ARSB: variants seen among roughly 807,000 people sequenced by gnomAD.
The protein encoded by ARSB is arylsulfatase B, also known as N-acetylgalactosamine-4-sulfatase.
In ARSB, 41 loss-of-function variants were observed where a neutral mutation model predicts 50.9. The ratio of observed to expected loss-of-function variants is 0.81; its 90% CI spans 0.63 to 1.04. The LOEUF (loss-of-function observed/expected upper bound fraction) is 1.04. Ranked by LOEUF, ARSB falls within the 50% of genes least tolerant of loss-of-function variation. The pLI is 0.00. For synonymous variants in ARSB, 269 were observed against 284.8 expected (o/e 0.94, Z 0.56); for missense variants, 672 against 693.3 (o/e 0.97, Z 0.35).
chr5:78,960,866 G>T (rs337829), intron 3 of ARSB, among the ~76,000 whole-genome samples: 1 of 151,970 alleles, frequency 6.6e-6, no homozygotes, highest in African/African-American at 2.4e-5. Flanking sequence ...CCCGGCTGAC[G>T]GGGGGCTGTT....
intron 3 of ARSB, 103 bp from the exon 4 acceptor site, chr5:78,955,605 A>T (rs1751690341): frequency 4.2e-6 from 4 of 949,642 alleles, no homozygotes; most frequent in Non-Finnish European, 5.0e-6. Context: ...TAATATCAAG[A>T]CAACCTACAG....
intron 6 of ARSB, among the ~76,000 whole-genome samples, chr5:78,790,724 T>C (rs1404406485): frequency 1.3e-5 from 2 of 152,192 alleles, no homozygotes; most frequent in Non-Finnish European, 2.9e-5. Context: ...ATCAGTATAA[T>C]ATAGTTTCAT....
At chr5:78,831,251 T>C (rs984611112) in intron 6 of ARSB, among the ~76,000 whole-genome samples, 1 of 152,030 alleles carries the variant, frequency 6.6e-6, no homozygotes, top group Non-Finnish European at 1.5e-5. Flanking sequence ...AGAGCTGGTA[T>C]TGAATAAAAC....
chr5:78,972,516 T>C (rs868219563), intron 1 of ARSB, among the ~76,000 whole-genome samples: 2 of 145,596 alleles, frequency 1.4e-5, no homozygotes, highest in African/African-American at 5.2e-5. Flanking sequence ...CACGCATACG[T>C]ACACACACAC....
chr5:78,821,312 A>T (rs1718593054), intron 6 of ARSB, among the ~76,000 whole-genome samples: 1 of 151,928 alleles, frequency 6.6e-6, no homozygotes, highest in African/African-American at 2.4e-5. Context: ...ATTTTTTTGT[A>T]ATTTTAGTAG....
At position 78,822,754 on chromosome 5, in the gene ARSB, C is replaced by T. The variant is rs1744286164; in HGVS notation, c.1213+16602G>A. The stretch of plus-strand genomic sequence containing the variant: ...CCGGGTTCACGCCATTCTCCTGCCT[C>T]AGCCTCCTGAGTAGCTGGGACTACA... On this transcript the variant is annotated intron_variant, in intron 6 of 7. Transcript: ENST00000264914. Among the ~76,000 whole-genome samples the T allele has an allele frequency of 2.6e-5, 4 of 152,178 alleles. No homozygotes were observed. In the South Asian group the frequency reaches 6.2e-4, roughly 24 times the overall value.
chr5:78,862,697 A>G (rs572457146), intron 5 of ARSB, among the ~76,000 whole-genome samples: 1 of 152,374 alleles, frequency 6.6e-6, no homozygotes, highest in Non-Finnish European at 1.5e-5. Context: ...GGCATGGGCA[A>G]GGACTTCACG....
intron 5 of ARSB, among the ~76,000 whole-genome samples, chr5:78,851,155 G>T (rs945975976): frequency 2.0e-5 from 3 of 152,124 alleles, no homozygotes; most frequent in Non-Finnish European, 4.4e-5. Flanking sequence ...TGATGTTAGG[G>T]TGTCAATTTT....
chr5:78,818,439 A>G (rs1176569908), intron 6 of ARSB, among the ~76,000 whole-genome samples: 1 of 152,120 alleles, frequency 6.6e-6, no homozygotes, highest in Non-Finnish European at 1.5e-5. Flanking sequence ...TACATATCTG[A>G]GATAAAAACT....
At chr5:78,919,553 C>T (rs1358685144) in intron 4 of ARSB, among the ~76,000 whole-genome samples, 1 of 152,100 alleles carries the variant, frequency 6.6e-6, no homozygotes, top group Non-Finnish European at 1.5e-5. Flanking sequence ...AGTGCAGTGG[C>T]ACGATCTTGG....
intron 6 of ARSB, among the ~76,000 whole-genome samples, chr5:78,832,372 C>T (rs1245198313): frequency 6.6e-6 from 1 of 152,128 alleles, no homozygotes; most frequent in East Asian, 1.9e-4. Flanking sequence ...TGTGTCCATG[C>T]CCTCTTCCAG....
chr5:78,829,987 A>C (rs1744599212), intron 6 of ARSB, among the ~76,000 whole-genome samples: 1 of 152,184 alleles, frequency 6.6e-6, no homozygotes, highest in African/African-American at 2.4e-5. Flanking sequence ...TCTTTACCAG[A>C]CCTGGGGAGG....
At chr5:78,928,559 G>T (rs1445941382) in intron 4 of ARSB, among the ~76,000 whole-genome samples, 2 of 151,962 alleles carry the variant, frequency 1.3e-5, no homozygotes, top group Non-Finnish European at 2.9e-5. Flanking sequence ...CAGGTGATCC[G>T]CCCACCTCGG....
intron 1 of ARSB, among the ~76,000 whole-genome samples, chr5:78,976,994 AG>A (rs535919187): frequency 2.9e-4 from 44 of 152,264 alleles, no homozygotes; most frequent in African/African-American, 1.1e-3. Flanking sequence ...AAACTTTGCT[AG>A]GATATGTGCA....
chr5:78,846,661 G>C (rs1160497230), intron 5 of ARSB, among the ~76,000 whole-genome samples: 1 of 152,088 alleles, frequency 6.6e-6, no homozygotes, highest in Non-Finnish European at 1.5e-5. Flanking sequence ...AGAGCTTTTA[G>C]GGTTTTCTGT....
intron 6 of ARSB, among the ~76,000 whole-genome samples, chr5:78,784,327 C>G (rs908939530): frequency 9.2e-5 from 14 of 152,272 alleles, no homozygotes; most frequent in African/African-American, 3.4e-4. Context: ...AGGTATTTAT[C>G]CAAACGAAAG....
rs557111639 is a variant in ARSB, at chr5:78,821,946, G to C, written c.1213+17410C>G. On this transcript the variant is annotated intron_variant, in intron 6 of 7. Transcript: ENST00000264914. ...AGCTGACTCTGACTTGTTTGGTCTG[G>C]CGTGGCTGGGGATACTGCAGGAGTG... is the stretch of plus-strand genomic sequence containing the variant. Among the ~76,000 whole-genome samples the C allele has an allele frequency of 1.1e-4, 16 of 152,312 alleles. No individual in the cohort carries two copies. The East Asian group carries it at 2.5e-3, about 24-fold the overall frequency.
intron 1 of ARSB, among the ~76,000 whole-genome samples, chr5:78,983,584 G>A (rs976226639): frequency 6.6e-6 from 1 of 152,142 alleles, no homozygotes; most frequent in Non-Finnish European, 1.5e-5. Context: ...ACACAATGTA[G>A]GGGATTCCTA....
chr5:78,907,861 T>A (rs1434287848), intron 4 of ARSB, among the ~76,000 whole-genome samples: 1 of 152,160 alleles, frequency 6.6e-6, no homozygotes, highest in Non-Finnish European at 1.5e-5. Context: ...GAAGACTCAT[T>A]TTCAAGTGCT....
Sources: allele counts gnomAD v4.1 joint callset (sites outside exome capture counted in the v4.1 genomes callset), GRCh38; gene constraint gnomAD v4.1.1; transcripts MANE v1.5; gene names NCBI Gene and HGNC (gene_info 2026-07-23, HGNC 2026-07-21).